The following VTCN1 variants were observed in gnomAD, a reference collection of about 807,000 sequenced individuals.
VTCN1 encodes the protein V-set domain containing T cell activation inhibitor 1, also known as V-set domain-containing T-cell activation inhibitor 1.
Under a neutral mutation model 26.5 loss-of-function variants are expected in VTCN1, and 26 were observed. The observed-to-expected ratio is 0.98, with a 90% CI of 0.72 to 1.36. The LOEUF (loss-of-function observed/expected upper bound fraction) is 1.36. VTCN1 is among the 40% of genes most tolerant of loss of function. The probability of loss-of-function intolerance (pLI) is 0.00; values close to 1 mark genes in which losing one functional copy is unlikely to be tolerated. For missense variants in VTCN1, 298 were observed against 337.7 expected (o/e 0.88, Z 0.92); for synonymous variants, 116 against 130.7 (o/e 0.89, Z 0.77).
chr1:117,193,219 T>A (rs1326625188), intron 1 of VTCN1, among the ~76,000 whole-genome samples: 2 of 152,116 alleles, frequency 1.3e-5, no homozygotes, highest in African/African-American at 4.8e-5. Flanking sequence ...CTGGAACCAA[T>A]TCCCCACAGA....
intron 2 of VTCN1, among the ~76,000 whole-genome samples, chr1:117,162,803 G>A (rs564465403): frequency 3.3e-5 from 5 of 152,260 alleles, no homozygotes; most frequent in East Asian, 1.9e-4. Flanking sequence ...TCAGCGCTCC[G>A]TTGTAGGAGT....
At chr1:117,207,510 T>C (rs1649121560) in intron 1 of VTCN1, among the ~76,000 whole-genome samples, 1 of 151,986 alleles carries the variant, frequency 6.6e-6, no homozygotes, top group African/African-American at 2.4e-5. Flanking sequence ...GGCCCCTTGC[T>C]TCCCTCCCTC....
intron 3 of VTCN1, among the ~76,000 whole-genome samples, chr1:117,154,452 T>G (rs1310812474): frequency 6.6e-6 from 1 of 152,238 alleles, no homozygotes; most frequent in African/African-American, 2.4e-5. Flanking sequence ...CAGTTTCCTC[T>G]AATGTCAACA....
rs190116565 is a variant in VTCN1 at position 117,210,385 on chromosome 1, G to A, written c.32+439C>T. Among the ~76,000 whole-genome samples the A allele has an allele frequency of 1.3e-4, 20 of 152,238 alleles. 1 individual carries two copies. The East Asian group carries it at 2.5e-3, about 19-fold the overall frequency. On this transcript the variant is annotated intron_variant, in intron 1 of 5. Coordinates refer to ENST00000369458, the MANE Select transcript of VTCN1 (RefSeq NM_024626.4). ...AGAGAATGAAAGCACATTCTCCTCC[G>A]TCCCCCTGGGGGCTGCATAAAGGGT... is the stretch of plus-strand genomic sequence containing the variant.
chr1:117,154,393 G>T (rs1651957541), intron 3 of VTCN1, among the ~76,000 whole-genome samples: 1 of 152,140 alleles, frequency 6.6e-6, no homozygotes, highest in African/African-American at 2.4e-5. Flanking sequence ...AATTTCACGT[G>T]TACAGAAAAG....
At chr1:117,194,565 T>C (rs1648414268) in intron 1 of VTCN1, among the ~76,000 whole-genome samples, 1 of 152,242 alleles carries the variant, frequency 6.6e-6, no homozygotes, top group Admixed American at 6.5e-5. Context: ...GGCATATCTG[T>C]ACCCCCACGT....
chr1:117,203,776 C>T, intron 1 of VTCN1: 18 of 985,386 alleles, frequency 1.8e-5, no homozygotes, highest in Non-Finnish European at 2.2e-5. Flanking sequence ...AATCAGGGAG[C>T]ACAGAGCGGC....
rs370290224 is a variant in VTCN1 at position 117,185,199 on chromosome 1, G to C, written c.33-15028C>G. Among the ~76,000 whole-genome samples the C allele has an allele frequency of 6.6e-5, 10 of 152,216 alleles. No individual in the cohort carries two copies. In the South Asian group the frequency reaches 1.2e-3, roughly 19 times the overall value. The stretch of plus-strand genomic sequence containing the variant: ...TCAGTCAAATACAACAGTTCCAAGT[G>C]GTCACTTCAAGTCTCAGGTTTCTTC... On this transcript the variant is annotated intron_variant, in intron 1 of 5. Transcript: ENST00000369458.
intron 1 of VTCN1, among the ~76,000 whole-genome samples, chr1:117,181,640 A>T (rs1647676635): frequency 6.6e-6 from 1 of 152,026 alleles, no homozygotes; most frequent in Non-Finnish European, 1.5e-5. Context: ...GATTTAAGGG[A>T]GTGGGAAGGC....
In VTCN1 at chr1:117,147,934, G is replaced by T; in HGVS notation, c.725-152C>A. 1 of 972,782 alleles carries T rather than the reference G, an allele frequency of 1.0e-6. No individual in the cohort carries two copies. The highest frequency in any genetic ancestry group is 1.5e-6 in the Non-Finnish European group (1 of 669,632). 60.3% of individuals were successfully genotyped at this position (972,782 alleles called of 1,614,324 possible). ...CCCCTTTGCCCACCTCTCCGTAACTGGCTTAAAAGTAGAGCTTTCTCTTTC... is the reference window on the plus strand; with the variant it reads ...CCCCTTTGCCCACCTCTCCGTAACTTGCTTAAAAGTAGAGCTTTCTCTTTC... On this transcript the variant is annotated intron_variant, in intron 4 of 5. Transcript: ENST00000369458. This position sits in a 1 kb window ranked among gnomAD's most constrained non-coding sequence, Gnocchi z 4.6.
At chr1:117,173,292 A>G (rs922063401) in intron 1 of VTCN1, 2 of 645,178 alleles carry the variant, frequency 3.1e-6, no homozygotes, top group East Asian at 2.8e-5. Context: ...GTCATACCAG[A>G]GTAGGGTAGT....
intron 1 of VTCN1, among the ~76,000 whole-genome samples, chr1:117,171,671 T>C (rs1470727721): frequency 6.6e-5 from 10 of 152,240 alleles, no homozygotes. Flanking sequence ...GCAGACATGT[T>C]GTTCCAACCA....
At chr1:117,190,154 C>T (rs185064875) in intron 1 of VTCN1, among the ~76,000 whole-genome samples, 2 of 152,352 alleles carry the variant, frequency 1.3e-5, no homozygotes. Context: ...TCCCTCTCTG[C>T]TGTGCTTATG....
At position 117,169,656 on chromosome 1, in the gene VTCN1, G is replaced by A. The variant is rs950606383; in HGVS notation, c.97+451C>T. 6.6e-6 allele frequency among the ~76,000 whole-genome samples: 1 copy of A among 152,206 alleles called. No individual in the cohort carries two copies. The highest frequency in any genetic ancestry group is 2.4e-5 in the African/African-American group (1 of 41,450). ...GCCGGCAATCCCAGCACTTTGGGAG[G>A]CCGAGGCAGGTGGATTGCTTGAGCT... On this transcript the variant is annotated intron_variant, in intron 2 of 5. Coordinates refer to ENST00000369458, the MANE Select transcript of VTCN1 (RefSeq NM_024626.4). This position sits in a 1 kb window ranked among gnomAD's most constrained non-coding sequence, Gnocchi z 4.0.
chr1:117,201,128 C>T (rs974452123), intron 1 of VTCN1, among the ~76,000 whole-genome samples: 4 of 152,082 alleles, frequency 2.6e-5, no homozygotes, highest in Non-Finnish European at 5.9e-5. Context: ...AAAAATAATC[C>T]TATCATAAAT....
intron 1 of VTCN1, among the ~76,000 whole-genome samples, chr1:117,177,872 C>T (rs1207717339): frequency 6.6e-6 from 1 of 151,440 alleles, no homozygotes; most frequent in Non-Finnish European, 1.5e-5. Context: ...TGCAAGATTG[C>T]CTCTGTGCTC....
intron 1 of VTCN1, chr1:117,173,343 A>G (rs1653025445): frequency 1.8e-6 from 1 of 556,484 alleles, no homozygotes; most frequent in African/African-American, 2.0e-5. Flanking sequence ...CCTTATAAAA[A>G]GGGGAAATTT....
chr1:117,204,154 T>G (rs1296960482), intron 1 of VTCN1, among the ~76,000 whole-genome samples: 1 of 152,192 alleles, frequency 6.6e-6, no homozygotes, highest in Admixed American at 6.5e-5. Context: ...AGTCTCTGTT[T>G]TTCTGCAAAA....
rs149269866 is a variant in VTCN1, at chr1:117,156,494, C to T, written c.445+80G>A. 5.8e-5 allele frequency: 81 copies of T among 1,390,368 alleles called. No homozygotes were observed. The African/African-American group carries it at 1.0e-3, about 18-fold the overall frequency. The allele number at this position is 1,390,368 out of a possible 1,614,324, so 86.1% of individuals were successfully genotyped here. ...CATCATTGTCTGATATTGGTCACAA[C>T]ATATTTCATAAGCAACTCATAATCT... On this transcript the variant is annotated intron_variant, in intron 3 of 5. Transcript: ENST00000369458.
Sources: allele counts gnomAD v4.1 joint callset (sites outside exome capture counted in the v4.1 genomes callset), GRCh38; gene constraint gnomAD v4.1.1; non-coding constraint Gnocchi (gnomAD v3.1); transcripts MANE v1.5; gene names NCBI Gene and HGNC (gene_info 2026-07-23, HGNC 2026-07-21).